RBM46: variants seen among roughly 807,000 people sequenced by gnomAD.
RBM46 encodes the protein probable RNA-binding protein 46.
RBM46 carries 12 observed loss-of-function variants against 43.3 expected under a neutral mutation model. The observed-to-expected ratio is 0.28, with a 90% CI of 0.18 to 0.45. The LOEUF is 0.45. Ranked by LOEUF, RBM46 falls within the 20% of genes least tolerant of loss-of-function variation. RBM46 has a pLI of 1.00. For missense variants in RBM46, 412 were observed against 639.1 expected (o/e 0.64, Z 3.83); for synonymous variants, 205 against 207.6 (o/e 0.99, Z 0.11).
chr4:154,821,861 A>G (rs1429115314), intron 4 of RBM46, among the ~76,000 whole-genome samples: 2 of 151,824 alleles, frequency 1.3e-5, no homozygotes, highest in African/African-American at 4.8e-5. Context: ...TGTATACTAA[A>G]TACTTCCTTG....
In RBM46 at chr4:154,799,487, A is replaced by T. The variant is rs762365733; in HGVS notation, c.1325A>T (p.Tyr442Phe). Reference sequence around the variant, plus strand: ...GCTATTGCAAATGGATCCCAGAGTTACTTCATGCCAGACAAACTCTGTACT... The same window carrying T: ...GCTATTGCAAATGGATCCCAGAGTTTCTTCATGCCAGACAAACTCTGTACT... ...IPAIANGSQS[Y>F]FMPDKLCTTL... Residue 442 changes from tyrosine to phenylalanine, a missense_variant, in exon 4 of 5, where the codon TAC (tyrosine) becomes TTC (phenylalanine). Physicochemically the swap from Tyr to Phe is conservative, Grantham distance 22. This residue lies in a region of RBM46 where 149 missense variants were observed against 156.3 expected (regional missense o/e 0.95). Transcript: ENST00000281722. 1.9e-6 allele frequency: 3 copies of T among 1,613,024 alleles called. No individual in the cohort carries two copies. The highest frequency in any genetic ancestry group is 2.5e-6 in the Non-Finnish European group (3 of 1,179,552).
Position 154,817,491 on chromosome 4 carries a change from C to T in RBM46, c.1403-10377C>T, listed in dbSNP as rs115271667. ...GGGATTACAGGTGCGCACACCACAC[C>T]CAGCTGATTTTTGTATTTTTAGTAG... On this transcript the variant is annotated intron_variant, in intron 4 of 4. Coordinates refer to ENST00000281722, the MANE Select transcript of RBM46 (RefSeq NM_144979.5). Among the ~76,000 whole-genome samples the T allele has an allele frequency of 3.8e-3, 570 of 151,810 alleles. 3 individuals carry two copies. Among genetic ancestry groups the T allele is most frequent in the Middle Eastern group, 0.014 (4 of 292 alleles).
intron 4 of RBM46, among the ~76,000 whole-genome samples, chr4:154,823,380 T>C (rs1458977738): frequency 2.0e-5 from 3 of 151,846 alleles, no homozygotes; most frequent in Admixed American, 6.6e-5. Context: ...CACTTAAAGA[T>C]AGAAAGTGGA....
At chr4:154,784,855 T>C (rs559945138) in intron 1 of RBM46, among the ~76,000 whole-genome samples, 7 of 152,212 alleles carry the variant, frequency 4.6e-5, no homozygotes, top group Non-Finnish European at 1.0e-4. Context: ...CTTTAATGTA[T>C]AGGACAGATG....
chr4:154,818,862 C>G (rs1735591568), intron 4 of RBM46, among the ~76,000 whole-genome samples: 1 of 151,992 alleles, frequency 6.6e-6, no homozygotes, highest in South Asian at 2.1e-4. Context: ...TCCTAAGAAC[C>G]ATTCATTTAG....
chr4:154,782,435 AAT>A (rs1378294721), intron 1 of RBM46, among the ~76,000 whole-genome samples: 1 of 152,142 alleles, frequency 6.6e-6, no homozygotes, highest in African/African-American at 2.4e-5. Flanking sequence ...TGGTAATCCT[AAT>A]ATAGGCAAAT....
chr4:154,799,418 G>A lies in RBM46; in HGVS notation c.1256G>A (p.Ser419Asn). The A allele has an allele frequency of 6.2e-7, 1 of 1,614,056 alleles. No individual in the cohort carries two copies. Among genetic ancestry groups the A allele is most frequent in the African/African-American group, 1.3e-5 (1 of 75,022 alleles). Residue 419 changes from serine to asparagine, a missense_variant, in exon 4 of 5, where the codon AGT becomes AAT. Around this residue, in one of 8 missense-constraint regions of RBM46, gnomAD observed 149 missense variants for 156.3 expected, o/e 0.95. Transcript: ENST00000281722. ...GAATATTATTTATATTCAACAACAA[G>A]TCAAGATGGGAAAGTACTCTTGGTG... is the stretch of plus-strand genomic sequence containing the variant. ...PPEYYLYSTT[S>N]QDGKVLLVYK...
chr4:154,824,405 G>A (rs1049603548), intron 4 of RBM46, among the ~76,000 whole-genome samples: 1 of 152,018 alleles, frequency 6.6e-6, no homozygotes, highest in South Asian at 2.1e-4. Flanking sequence ...GTATAAAAGT[G>A]TTCATAGCAG....
intron 4 of RBM46, among the ~76,000 whole-genome samples, chr4:154,810,345 G>A (rs920922428): frequency 6.6e-6 from 1 of 152,050 alleles, no homozygotes; most frequent in Non-Finnish European, 1.5e-5. Flanking sequence ...GAATGTTTTG[G>A]TTGCTTTTGG....
intron 4 of RBM46, among the ~76,000 whole-genome samples, chr4:154,813,382 G>T (rs1372505583): frequency 6.6e-6 from 1 of 151,918 alleles, no homozygotes; most frequent in Non-Finnish European, 1.5e-5. Flanking sequence ...ATAGACAGGG[G>T]CATATGGATG....
At chr4:154,814,198 T>G (rs1312211081) in intron 4 of RBM46, among the ~76,000 whole-genome samples, 1 of 151,964 alleles carries the variant, frequency 6.6e-6, no homozygotes, top group Non-Finnish European at 1.5e-5. Context: ...TACAGAGAGG[T>G]GGTAAAGATC....
chr4:154,812,010 T>G (rs2111182112), intron 4 of RBM46, among the ~76,000 whole-genome samples: 1 of 151,094 alleles, frequency 6.6e-6, no homozygotes, highest in Middle Eastern at 3.4e-3. Flanking sequence ...ATGTTGACAC[T>G]TCTTTACTTT....
At chr4:154,800,427 CTT>C (rs1419335017) in intron 4 of RBM46, among the ~76,000 whole-genome samples, 1 of 152,120 alleles carries the variant, frequency 6.6e-6, no homozygotes, top group Non-Finnish European at 1.5e-5. Context: ...TGACCATTCT[CTT>C]TTTAATTTCA....
intron 4 of RBM46, among the ~76,000 whole-genome samples, chr4:154,813,444 T>C (rs1735281564): frequency 6.6e-6 from 1 of 152,058 alleles, no homozygotes; most frequent in Admixed American, 6.6e-5. Flanking sequence ...ATTTGTATAG[T>C]GGAATAGGAG....
chr4:154,797,141 A>G (rs1462442540), intron 2 of RBM46, among the ~76,000 whole-genome samples: 1 of 152,176 alleles, frequency 6.6e-6, no homozygotes, highest in East Asian at 1.9e-4. Flanking sequence ...CTAGGTTGAG[A>G]AAGAAGTCAG....
chr4:154,802,990 G>A (rs1254106021), intron 4 of RBM46, among the ~76,000 whole-genome samples: 6 of 151,818 alleles, frequency 4.0e-5, no homozygotes, highest in Non-Finnish European at 8.8e-5. Context: ...TATTTCCCAA[G>A]TTTGAAAAAT....
intron 4 of RBM46, among the ~76,000 whole-genome samples, chr4:154,813,152 A>G (rs1312563760): frequency 6.6e-6 from 1 of 152,200 alleles, no homozygotes; most frequent in Non-Finnish European, 1.5e-5. Flanking sequence ...TTACAAGGAA[A>G]GATACATTTC....
intron 4 of RBM46, among the ~76,000 whole-genome samples, chr4:154,818,754 C>G (rs923153794): frequency 1.3e-5 from 2 of 151,968 alleles, no homozygotes; most frequent in African/African-American, 4.8e-5. Flanking sequence ...GATTATATTT[C>G]TTCTGTATTG....
intron 1 of RBM46, among the ~76,000 whole-genome samples, chr4:154,783,577 A>T (rs1453964202): frequency 6.6e-6 from 1 of 152,228 alleles, no homozygotes; most frequent in Non-Finnish European, 1.5e-5. Context: ...AAAATAACAG[A>T]TTATGAAGGA....
Sources: allele counts gnomAD v4.1 joint callset (sites outside exome capture counted in the v4.1 genomes callset), GRCh38; gene constraint gnomAD v4.1.1; regional missense constraint gnomAD v4.1.1; transcripts MANE v1.5; gene names NCBI Gene and HGNC (gene_info 2026-07-23, HGNC 2026-07-21).